The following AUTS2 variants were observed in gnomAD, a reference collection of about 807,000 sequenced individuals.
AUTS2 encodes the protein activator of transcription and developmental regulator AUTS2, also known as autism susceptibility gene 2 protein.
Under a neutral mutation model 112.4 loss-of-function variants are expected in AUTS2, and 17 were observed. The observed-to-expected ratio is 0.15, with a 90% CI of 0.10 to 0.23. The LOEUF is 0.23. AUTS2 is among the 10% of genes least tolerant of loss of function. AUTS2 has a pLI of 1.00. For synonymous variants in AUTS2, 751 were observed against 702.7 expected, an observed-to-expected ratio of 1.07 and a Z score of -1.09; for missense variants, 1,510 against 1,701.6, an observed-to-expected ratio of 0.89 and a Z score of 1.98.
intron 4 of AUTS2, among the ~76,000 whole-genome samples, chr7:70,191,691 T>C (rs1323557249): frequency 6.6e-6 from 1 of 152,198 alleles, no homozygotes; most frequent in Non-Finnish European, 1.5e-5. Flanking sequence ...CTTGTCCCCA[T>C]GTGAATAAAT....
chr7:69,771,929 C>T (rs181547963), intron 1 of AUTS2, among the ~76,000 whole-genome samples: 29 of 152,096 alleles, frequency 1.9e-4, no homozygotes, highest in African/African-American at 6.7e-4. Context: ...GGATTACAGG[C>T]ATGCACCACC....
At chr7:70,152,624 C>T (rs1391518382) in intron 4 of AUTS2, among the ~76,000 whole-genome samples, 9 of 151,744 alleles carry the variant, frequency 5.9e-5, no homozygotes, top group Admixed American at 5.9e-4. Context: ...CTTTTATGCA[C>T]AATATATAAA....
rs534205973 is a variant in AUTS2, at chr7:70,167,288, T to C, written c.660+32717T>C. 2.6e-4 allele frequency among the ~76,000 whole-genome samples: 40 copies of C among 152,210 alleles called. No individual in the cohort carries two copies. In the Middle Eastern group the frequency reaches 0.02, roughly 78 times the overall value. On this transcript the variant is annotated intron_variant, in intron 4 of 18. Coordinates refer to ENST00000342771, the MANE Select transcript of AUTS2 (RefSeq NM_015570.4). Reference sequence around the variant, plus strand: ...TTTTGTTAATATCAATACAGTAGACTTCACAATATTACCAAGTATAAAGCA... The same window carrying C: ...TTTTGTTAATATCAATACAGTAGACCTCACAATATTACCAAGTATAAAGCA...
intron 4 of AUTS2, among the ~76,000 whole-genome samples, chr7:70,243,374 G>T (rs1812733717): frequency 6.6e-6 from 1 of 151,692 alleles, no homozygotes; most frequent in Non-Finnish European, 1.5e-5. Flanking sequence ...TTCCTTTGAA[G>T]GTTGATCAGG....
At chr7:70,455,512 G>A (rs1262272212) in intron 5 of AUTS2, among the ~76,000 whole-genome samples, 1 of 152,142 alleles carries the variant, frequency 6.6e-6, no homozygotes, top group East Asian at 1.9e-4. Flanking sequence ...ATAGGAACGC[G>A]GGACTTCCCA....
At chr7:69,634,377 C>T (rs1159504538) in intron 1 of AUTS2, among the ~76,000 whole-genome samples, 2 of 152,128 alleles carry the variant, frequency 1.3e-5, no homozygotes, top group East Asian at 1.9e-4. Context: ...GCCTCGGCCT[C>T]CCAAAGTGCT....
intron 4 of AUTS2, among the ~76,000 whole-genome samples, chr7:70,380,747 A>T (rs1793330081): frequency 6.6e-6 from 1 of 152,252 alleles, no homozygotes; most frequent in Non-Finnish European, 1.5e-5. Context: ...GATTAAAAAC[A>T]GGAGGGAGCA....
chr7:70,493,143 C>G (rs1373349505), intron 5 of AUTS2, among the ~76,000 whole-genome samples: 1 of 152,100 alleles, frequency 6.6e-6, no homozygotes, highest in Non-Finnish European at 1.5e-5. Context: ...ACCAAAAATT[C>G]AGGGAGGCAT....
At chr7:69,693,535 G>A (rs1481799370) in intron 1 of AUTS2, among the ~76,000 whole-genome samples, 3 of 152,184 alleles carry the variant, frequency 2.0e-5, no homozygotes, top group Non-Finnish European at 4.4e-5. Context: ...TTGACTGCTT[G>A]TTTCAAGGAC....
intron 5 of AUTS2, among the ~76,000 whole-genome samples, chr7:70,664,807 G>C (rs1030137643): frequency 2.0e-5 from 3 of 152,090 alleles, no homozygotes; most frequent in Non-Finnish European, 4.4e-5. Flanking sequence ...ACGGTGCCCC[G>C]CGCCTGTAAT....
At chr7:70,039,735 G>A (rs1264486890) in intron 2 of AUTS2, among the ~76,000 whole-genome samples, 1 of 152,030 alleles carries the variant, frequency 6.6e-6, no homozygotes, top group African/African-American at 2.4e-5. Context: ...AATGTCCTGT[G>A]GTTTAAAAAC....
chr7:69,608,973 A>G (rs1272014726), intron 1 of AUTS2, among the ~76,000 whole-genome samples: 1 of 152,218 alleles, frequency 6.6e-6, no homozygotes, highest in African/African-American at 2.4e-5. Flanking sequence ...AAACTTTTTC[A>G]TAGCAGCCTT....
chr7:69,750,121 T>C lies in AUTS2; in HGVS notation c.310-149165T>C, dbSNP rs565457688. 4.3e-4 allele frequency among the ~76,000 whole-genome samples: 65 copies of C among 152,260 alleles called. 1 individual carries two copies. The highest frequency in any genetic ancestry group is 3.3e-3 in the South Asian group (16 of 4,820). On this transcript the variant is annotated intron_variant, in intron 1 of 18. Transcript: ENST00000342771. ...TATGTTCTCTTGTTTTCTCGTTCTG[T>C]TGATGACGAGACTCAAATTTAAGCA...
rs562558475 is a variant in AUTS2, at chr7:70,160,742, T to G, written c.660+26171T>G. Among the ~76,000 whole-genome samples, 7 of 152,342 alleles carry G rather than the reference T, an allele frequency of 4.6e-5. No individual in the cohort carries two copies. The East Asian group carries it at 1.4e-3, about 29-fold the overall frequency. On this transcript the variant is annotated intron_variant, in intron 4 of 18. Transcript: ENST00000342771. ...GGCCTTCATCAATATCTGACACTGG[T>G]GAATTGAAGAATAATATACTAGCTA...
intron 1 of AUTS2, among the ~76,000 whole-genome samples, chr7:69,700,463 C>A (rs1451423673): frequency 6.6e-6 from 1 of 151,836 alleles, no homozygotes; most frequent in Non-Finnish European, 1.5e-5. Flanking sequence ...TGAGGAAGGA[C>A]AGGTCTCCTG....
At chr7:70,036,575 A>G (rs905703284) in intron 2 of AUTS2, among the ~76,000 whole-genome samples, 8 of 152,102 alleles carry the variant, frequency 5.3e-5, no homozygotes, top group African/African-American at 1.9e-4. Flanking sequence ...CTGCTTCTTC[A>G]CTGCATTTGC....
At chr7:70,481,419 T>G (rs950827587) in intron 5 of AUTS2, among the ~76,000 whole-genome samples, 1 of 152,136 alleles carries the variant, frequency 6.6e-6, no homozygotes, top group African/African-American at 2.4e-5. Flanking sequence ...GCAAATTGCT[T>G]CTATGGAATT....
intron 1 of AUTS2, among the ~76,000 whole-genome samples, chr7:69,647,355 A>G (rs1457255667): frequency 2.1e-5 from 3 of 145,994 alleles, no homozygotes; most frequent in Admixed American, 6.8e-5. Context: ...CACTTTCACT[A>G]TCTTTTTTTT....
chr7:70,716,404 C>T (rs904000543), intron 6 of AUTS2, among the ~76,000 whole-genome samples: 12 of 151,956 alleles, frequency 7.9e-5, no homozygotes, highest in African/African-American at 2.7e-4. Flanking sequence ...GAGGCTGAGG[C>T]GGGTGGATCA....
Sources: gnomAD v4.1 joint callset for allele counts (sites outside exome capture counted in the v4.1 genomes callset) on GRCh38, gnomAD v4.1.1 for gene constraint, MANE v1.5 for transcripts, NCBI Gene and HGNC (gene_info 2026-07-23, HGNC 2026-07-21) for gene names.